The following ATP6V0A4 variants were observed in gnomAD, a reference collection of about 807,000 sequenced individuals.
ATP6V0A4 encodes ATPase H+ transporting V0 subunit a4.
A neutral mutation model predicts 107.3 loss-of-function variants in ATP6V0A4; 86 were observed. The observed-to-expected ratio is 0.80, with a 90% CI of 0.67 to 0.96. The LOEUF (loss-of-function observed/expected upper bound fraction) is 0.96. Among genes scored for constraint, ATP6V0A4 ranks in the 40% least tolerant of loss-of-function variants. ATP6V0A4 has a pLI of 0.00. For missense variants in ATP6V0A4, 908 were observed against 1,045.6 expected (o/e 0.87, Z 1.81); for synonymous variants, 353 against 381.4 (o/e 0.93, Z 0.87).
chr7:138,709,439 C>CAT (rs1027107533), intron 21 of ATP6V0A4, among the ~76,000 whole-genome samples, 185 bp downstream of exon 21: 18 of 151,698 alleles, frequency 1.2e-4, no homozygotes, highest in African/African-American at 2.9e-4. Flanking sequence ...TGTATATATA[C>CAT]ATATATATAC....
chr7:138,727,493 C>G (rs1461115513), intron 18 of ATP6V0A4, among the ~76,000 whole-genome samples: 1 of 152,096 alleles, frequency 6.6e-6, no homozygotes, highest in Admixed American at 6.6e-5. Flanking sequence ...ATATAGATTA[C>G]GTTTCAGCTA....
intron 2 of ATP6V0A4, among the ~76,000 whole-genome samples, chr7:138,781,619 C>A (rs920599617): frequency 6.7e-6 from 1 of 148,296 alleles, no homozygotes; most frequent in African/African-American, 2.5e-5. Flanking sequence ...TGTGAGCCAC[C>A]GCGCCCAGCC....
At chr7:138,757,153 A>G (rs1806550856) in intron 8 of ATP6V0A4, among the ~76,000 whole-genome samples, 1 of 152,240 alleles carries the variant, frequency 6.6e-6, no homozygotes, top group African/African-American at 2.4e-5. Context: ...TCTTACTGTA[A>G]GCAAAGAAAT....
At chr7:138,734,964 G>A (rs904026705) in intron 15 of ATP6V0A4, among the ~76,000 whole-genome samples, 4 of 152,090 alleles carry the variant, frequency 2.6e-5, no homozygotes, top group African/African-American at 9.7e-5. Flanking sequence ...CATTTCCCCA[G>A]ACCTTTCTCA....
In ATP6V0A4 at chr7:138,755,777, C is replaced by T. The variant is rs377068937; in HGVS notation, c.728G>A (p.Arg243Gln). The T allele has an allele frequency of 5.3e-5, 86 of 1,612,866 alleles. No homozygotes were observed. The highest frequency in any genetic ancestry group is 6.3e-5 in the Non-Finnish European group (74 of 1,180,014). The change falls in exon 10 of 22, where the codon CGA becomes CAA. Residue 243 changes from arginine to glutamine, a missense_variant. By Grantham distance (43) the Arg-to-Gln change is conservative. Coordinates refer to ENST00000310018, the MANE Select transcript of ATP6V0A4 (RefSeq NM_020632.3). ...CTCTGGGCAAGGGTAGACAGTGGCT[C>T]GAAACCTGTGTTTAATATATTCCAA... ...QKIKKICDGF[R>Q]ATVYPCPEPA... is the part of the protein sequence containing the mutation.
At chr7:138,754,932 A>G in intron 10 of ATP6V0A4, among the ~76,000 whole-genome samples, 1 of 152,170 alleles carries the variant, frequency 6.6e-6, no homozygotes, top group East Asian at 1.9e-4. Context: ...CCAGCCCTAA[A>G]ATTTAAATTG....
chr7:138,781,223 C>T (rs575972524), intron 2 of ATP6V0A4, among the ~76,000 whole-genome samples: 1 of 152,340 alleles, frequency 6.6e-6, no homozygotes, highest in East Asian at 1.9e-4. Context: ...AAGCACCCTG[C>T]TCCTGCTGGT....
chr7:138,782,883 T>C lies in ATP6V0A4; in HGVS notation c.-18+3275A>G, dbSNP rs140254202. 5.4e-3 allele frequency among the ~76,000 whole-genome samples: 820 copies of C among 152,328 alleles called. 4 individuals carry two copies. Among genetic ancestry groups the C allele is most frequent in the African/African-American group, 0.018 (744 of 41,590 alleles). ...TGAGGTCAGGAGTTCAAGACCAGTC[T>C]GGCCAACATAGTGAAACCCCTTCTC... On this transcript the variant is annotated intron_variant, in intron 2 of 21. Transcript: ENST00000310018.
intron 19 of ATP6V0A4, among the ~76,000 whole-genome samples, chr7:138,718,118 GAT>G (rs1441161189): frequency 6.7e-5 from 9 of 135,082 alleles, no homozygotes; most frequent in African/African-American, 8.3e-5. Flanking sequence ...TGCAGTCACG[GAT>G]GTCTGCAGAG....
chr7:138,775,008 C>T (rs1490289425), intron 2 of ATP6V0A4, among the ~76,000 whole-genome samples: 1 of 151,962 alleles, frequency 6.6e-6, no homozygotes, highest in Admixed American at 6.6e-5. Context: ...TTTCTCTTGC[C>T]CAGGGGTGCG....
chr7:138,740,294 T>C (rs916663297), intron 14 of ATP6V0A4, among the ~76,000 whole-genome samples: 1 of 152,054 alleles, frequency 6.6e-6, no homozygotes, highest in Admixed American at 6.5e-5. Context: ...TTCTGAAGGA[T>C]GGATTGTTTT....
chr7:138,792,593 G>T (rs1223205932), intron 1 of ATP6V0A4, among the ~76,000 whole-genome samples: 1 of 151,940 alleles, frequency 6.6e-6, no homozygotes, highest in Non-Finnish European at 1.5e-5. Flanking sequence ...CTGATAGATT[G>T]ATTTGTTTGT....
chr7:138,758,443 G>C, intron 8 of ATP6V0A4, among the ~76,000 whole-genome samples: 1 of 151,812 alleles, frequency 6.6e-6, no homozygotes, highest in African/African-American at 2.4e-5. Flanking sequence ...AATGAATTTT[G>C]TTGTTTTTTC....
intron 1 of ATP6V0A4, among the ~76,000 whole-genome samples, chr7:138,789,563 T>C (rs1257284558): frequency 6.6e-6 from 1 of 151,918 alleles, no homozygotes; most frequent in Non-Finnish European, 1.5e-5. Flanking sequence ...GTTTTTTTAA[T>C]GGAAAAGAAG....
intron 9 of ATP6V0A4, among the ~76,000 whole-genome samples, chr7:138,756,175 A>G (rs1013354526): frequency 2.0e-5 from 3 of 152,252 alleles, no homozygotes; most frequent in African/African-American, 7.2e-5. Flanking sequence ...TTAGCCATGC[A>G]GTTGGATTAC....
rs200954029 is a variant in ATP6V0A4 at position 138,768,808 on chromosome 7, G to T, written c.263C>A (p.Pro88Gln). ...CAGGGTAATCATTTCCCGTGGGAGC[G>T]GGGTCAGTGGGCTTTTCTCGAGCAA... is the stretch of plus-strand genomic sequence containing the variant. The part of the protein sequence containing the change: ...VQLLEKSPLT[P>Q]LPREMITLET... Residue 88 changes from proline to glutamine, a missense_variant, in exon 5 of 22, where the codon CCG becomes CAG. By Grantham distance (76) the Pro-to-Gln change is moderately conservative. Coordinates refer to ENST00000310018, the MANE Select transcript of ATP6V0A4 (RefSeq NM_020632.3). The T allele has an allele frequency of 6.2e-7, 1 of 1,614,160 alleles. No individual in the cohort carries two copies.
intron 19 of ATP6V0A4, among the ~76,000 whole-genome samples, chr7:138,716,217 T>C (rs181197800): frequency 1.3e-5 from 2 of 152,176 alleles, no homozygotes; most frequent in East Asian, 3.9e-4. Context: ...GGATCCCTGG[T>C]TGGGAAAGAA....
At chr7:138,796,149 C>T (rs1808649033) in intron 1 of ATP6V0A4, among the ~76,000 whole-genome samples, 3 of 152,132 alleles carry the variant, frequency 2.0e-5, no homozygotes, top group Non-Finnish European at 4.4e-5. Flanking sequence ...TACTAAGCAG[C>T]GTCCTCTCTG....
Position 138,759,785 on chromosome 7 carries a change from A to G in ATP6V0A4, c.606T>C (p.Ser202=). The G allele has an allele frequency of 1.2e-6, 2 of 1,614,100 alleles. No individual in the cohort carries two copies. The highest frequency in any genetic ancestry group is 1.7e-6 in the Non-Finnish European group (2 of 1,180,006). Residue 202 remains serine (S), a synonymous_variant, in exon 8 of 22, where the codon AGT becomes AGC. Coordinates refer to ENST00000310018, the MANE Select transcript of ATP6V0A4 (RefSeq NM_020632.3). ...ICRGNVYLKF[S]EMDAPLEDPV... is the part of the protein sequence containing the mutation. Reference sequence around the variant, plus strand: ...GATCCTCCAGAGGGGCGTCCATCTCACTGAACTTCAAGTACACGTTTCCTC... The same window carrying G: ...GATCCTCCAGAGGGGCGTCCATCTCGCTGAACTTCAAGTACACGTTTCCTC...
Sources: allele counts gnomAD v4.1 joint callset (sites outside exome capture counted in the v4.1 genomes callset), GRCh38; gene constraint gnomAD v4.1.1; transcripts MANE v1.5; gene names NCBI Gene and HGNC (gene_info 2026-07-23, HGNC 2026-07-21).